The following PRKCA variants were observed in gnomAD, a reference collection of about 807,000 sequenced individuals.
PRKCA encodes the protein protein kinase C alpha type.
A neutral mutation model predicts 87.0 loss-of-function variants in PRKCA; 27 were observed. The observed-to-expected ratio is 0.31, with a 90% CI of 0.23 to 0.43. The LOEUF is 0.43. Among genes scored for constraint, PRKCA ranks in the 20% least tolerant of loss-of-function variants. PRKCA has a pLI of 1.00. For synonymous variants in PRKCA, 329 were observed against 311.1 expected (o/e 1.06, Z -0.61); for missense variants, 518 against 852.3 (o/e 0.61, Z 4.88).
chr17:66,531,101 G>A (rs376869656), intron 3 of PRKCA, among the ~76,000 whole-genome samples: 24 of 152,198 alleles, frequency 1.6e-4, no homozygotes, highest in South Asian at 1.2e-3. Context: ...TTGCTCCATC[G>A]GTAGTCTCTG....
At position 66,788,931 on chromosome 17, in the gene PRKCA, G is replaced by A. The variant is rs767006638; in HGVS notation, c.1806G>A (p.Trp602Ter). 1 of 1,614,074 alleles carries A rather than the reference G, an allele frequency of 6.2e-7. No individual in the cohort carries two copies. The highest frequency in any genetic ancestry group is 8.5e-7 in the Non-Finnish European group (1 of 1,179,984). Residue 602 changes from tryptophan to a stop codon, truncating the protein, a stop_gained, in exon 16 of 17, where the codon TGG becomes TGA. Coordinates refer to ENST00000413366, the MANE Select transcript of PRKCA (RefSeq NM_002737.3). LOFTEE classifies it high-confidence loss of function. ...REHAFFRRID[W>*]EKLENREIQP... ...ATGCCTTCTTCCGGAGGATCGACTG[G>A]GAAAAACTGGAGAACAGGGAGATCC...
chr17:66,653,189 G>T (rs527607327), intron 5 of PRKCA, among the ~76,000 whole-genome samples: 1 of 152,334 alleles, frequency 6.6e-6, no homozygotes, highest in South Asian at 2.1e-4. Context: ...GCCACTAGTG[G>T]TCTATGTCCC....
At chr17:66,332,682 T>C (rs956432044) in intron 2 of PRKCA, among the ~76,000 whole-genome samples, 1 of 144,060 alleles carries the variant, frequency 6.9e-6, no homozygotes. Flanking sequence ...GGTTCCTGAT[T>C]ATTTTGTTTT....
At chr17:66,706,877 C>T (rs930749976) in intron 8 of PRKCA, among the ~76,000 whole-genome samples, 1 of 152,102 alleles carries the variant, frequency 6.6e-6, no homozygotes, top group African/African-American at 2.4e-5. Flanking sequence ...GCCCTCTGGT[C>T]CTTTACATAA....
At chr17:66,735,774 T>C in intron 10 of PRKCA, 112 bp downstream of exon 10, 1 of 1,296,886 alleles carries the variant, frequency 7.7e-7, no homozygotes, top group Non-Finnish European at 1.1e-6. Flanking sequence ...AAAGGTGTGT[T>C]GTGATGTCAA....
At chr17:66,539,487 T>G (rs1967907112) in intron 3 of PRKCA, among the ~76,000 whole-genome samples, 1 of 151,794 alleles carries the variant, frequency 6.6e-6, no homozygotes, top group African/African-American at 2.4e-5. Context: ...CACTGCAAGC[T>G]CCGCCTCTCA....
chr17:66,628,765 C>T (rs1208410469), intron 3 of PRKCA, among the ~76,000 whole-genome samples: 6 of 152,182 alleles, frequency 3.9e-5, no homozygotes, highest in African/African-American at 1.4e-4. Flanking sequence ...CTGTGGCTCA[C>T]ACCTCTAATC....
At chr17:66,349,780 T>G (rs1907624722) in intron 2 of PRKCA, among the ~76,000 whole-genome samples, 1 of 152,094 alleles carries the variant, frequency 6.6e-6, no homozygotes, top group Non-Finnish European at 1.5e-5. Context: ...TTGCACGGCT[T>G]TGATTGAGTG....
intron 2 of PRKCA, among the ~76,000 whole-genome samples, chr17:66,451,761 A>G (rs140848055): frequency 8.6e-4 from 131 of 152,280 alleles, no homozygotes; most frequent in African/African-American, 3.1e-3. Context: ...CTTCCTGTCC[A>G]CAGCACTGCC....
At chr17:66,355,547 C>T (rs762044174) in intron 2 of PRKCA, among the ~76,000 whole-genome samples, 6 of 152,036 alleles carry the variant, frequency 3.9e-5, no homozygotes, top group Non-Finnish European at 7.4e-5. Flanking sequence ...ATTTTGTCAT[C>T]ACCATGATCG....
At chr17:66,802,604 C>G (rs1329208784) in intron 16 of PRKCA, among the ~76,000 whole-genome samples, 2 of 152,154 alleles carry the variant, frequency 1.3e-5, no homozygotes, top group Admixed American at 6.5e-5. Context: ...AAGCACAGCC[C>G]GTGAGACTCA....
At chr17:66,424,615 A>G (rs570590494) in intron 2 of PRKCA, among the ~76,000 whole-genome samples, 1 of 134,968 alleles carries the variant, frequency 7.4e-6, no homozygotes, top group South Asian at 2.4e-4. Flanking sequence ...GAAGTAAGTT[A>G]CTGATAGGGA....
At chr17:66,743,196 C>T (rs961670529) in intron 13 of PRKCA, among the ~76,000 whole-genome samples, 6 of 152,126 alleles carry the variant, frequency 3.9e-5, no homozygotes, top group Admixed American at 2.6e-4. Flanking sequence ...GATGGTGGTG[C>T]ACACCTGTAA....
At chr17:66,571,921 G>A (rs1395959761) in intron 3 of PRKCA, among the ~76,000 whole-genome samples, 2 of 152,170 alleles carry the variant, frequency 1.3e-5, no homozygotes, top group Non-Finnish European at 2.9e-5. Context: ...TGCAGGGAAC[G>A]TTCTGTGTGT....
chr17:66,442,563 G>A (rs566425661), intron 2 of PRKCA, among the ~76,000 whole-genome samples: 10 of 152,190 alleles, frequency 6.6e-5, no homozygotes, highest in African/African-American at 2.2e-4. Context: ...GGCCTACAAG[G>A]CCCTGTATCA....
At chr17:66,607,212 C>T (rs1158858460) in intron 3 of PRKCA, among the ~76,000 whole-genome samples, 4 of 152,118 alleles carry the variant, frequency 2.6e-5, no homozygotes, top group African/African-American at 4.8e-5. Flanking sequence ...GCATTTATTA[C>T]CATAAGAGAA....
chr17:66,684,828 T>C (rs1330901288), intron 5 of PRKCA, among the ~76,000 whole-genome samples: 1 of 152,234 alleles, frequency 6.6e-6, no homozygotes, highest in African/African-American at 2.4e-5. Context: ...TTCTGCAGCC[T>C]CCAGTATTAG....
In PRKCA at chr17:66,792,379, A is replaced by AT. The variant is rs1282054659; in HGVS notation, c.1854+3406dup. Among the ~76,000 whole-genome samples the AT allele has an allele frequency of 6.6e-6, 1 of 152,160 alleles. No homozygotes were observed. Among genetic ancestry groups the AT allele is most frequent in the Non-Finnish European group, 1.5e-5 (1 of 68,028 alleles). On this transcript the variant is annotated intron_variant, in intron 16 of 16. Coordinates refer to ENST00000413366, the MANE Select transcript of PRKCA (RefSeq NM_002737.3). This position sits in a 1 kb window ranked among gnomAD's most constrained non-coding sequence, Gnocchi z 4.5. ...TCATCTTTGTTTTATTAATTTTTAAATTTTTTGAACCTCCAATGAAAGAGT... is the reference window on the plus strand; with the variant it reads ...TCATCTTTGTTTTATTAATTTTTAAATTTTTTTGAACCTCCAATGAAAGAGT...
chr17:66,336,904 T>G (rs1395388983), intron 2 of PRKCA, among the ~76,000 whole-genome samples: 1 of 151,932 alleles, frequency 6.6e-6, no homozygotes, highest in Non-Finnish European at 1.5e-5. Context: ...TTGTCCTGCC[T>G]CAGCCTCCCA....
Sources: gnomAD v4.1 joint callset for allele counts (sites outside exome capture counted in the v4.1 genomes callset) on GRCh38, gnomAD v4.1.1 for gene constraint, Gnocchi (gnomAD v3.1) non-coding constraint, MANE v1.5 for transcripts, NCBI Gene and HGNC (gene_info 2026-07-23, HGNC 2026-07-21) for gene names.